The following SCRIB variants were observed in gnomAD, a reference collection of about 807,000 sequenced individuals.
SCRIB encodes protein scribble homolog.
A neutral mutation model predicts 170.0 loss-of-function variants in SCRIB; 72 were observed. The ratio of observed to expected loss-of-function variants is 0.42; its 90% confidence interval spans 0.35 to 0.52. SCRIB has a LOEUF of 0.52. Among genes scored for constraint, SCRIB ranks in the 20% least tolerant of loss-of-function variants. The probability of loss-of-function intolerance (pLI) is 0.02; values close to 1 mark genes in which losing one functional copy is unlikely to be tolerated. For synonymous variants in SCRIB, 1,298 were observed against 1,044.3 expected (o/e 1.24, Z -4.68); for missense variants, 2,475 against 2,338.5 (o/e 1.06, Z -1.20).
chr8:143,799,131 G>A (rs1815069603), intron 24 of SCRIB, among the ~76,000 whole-genome samples: 1 of 152,194 alleles, frequency 6.6e-6, no homozygotes, highest in Non-Finnish European at 1.5e-5. Flanking sequence ...ACAAATGGAA[G>A]AACCAAGCAT....
At position 143,791,727 on chromosome 8, in the gene SCRIB, T is replaced by A. The variant is rs1028793323; in HGVS notation, c.4709A>T (p.Lys1570Met). 3.7e-6 allele frequency: 6 copies of A among 1,600,674 alleles called. No individual in the cohort carries two copies. The highest frequency in any genetic ancestry group is 3.4e-6 in the Non-Finnish European group (4 of 1,169,998). ...TSPGRLPLSG[K>M]KFDYRAFAAL... Reference sequence around the variant, plus strand: ...CGCAAAGGCCCTGTAGTCAAACTTCTTTCCAGACAAGGGCTTGAAAGGACA... The same window carrying A: ...CGCAAAGGCCCTGTAGTCAAACTTCATTCCAGACAAGGGCTTGAAAGGACA... Residue 1570 changes from lysine to methionine, a missense_variant, in exon 35 of 37, where the codon AAG (lysine) becomes ATG (methionine). Physicochemically the swap from Lys to Met is moderately conservative, Grantham distance 95. Coordinates refer to ENST00000356994, the MANE Select transcript of SCRIB (RefSeq NM_182706.5).
At position 143,805,183 on chromosome 8, in the gene SCRIB, G is replaced by A. The variant is rs782508941; in HGVS notation, c.2599C>T (p.Arg867Cys). 46 of 1,576,264 alleles carry A rather than the reference G, an allele frequency of 2.9e-5. No individual in the cohort carries two copies. The highest frequency in any genetic ancestry group is 2.8e-4 in the South Asian group (24 of 85,734). ...LRQRHVACLA[R>C]SERGLGFSIA... ...CTGAAGCCCAGCCCCCTCTCGCTGC[G>A]TGCCAGGCAGGCCACGTGGCGCTGA... The change falls in exon 19 of 37, where the codon CGC (arginine) becomes TGC (cysteine). Residue 867 changes from arginine (R) to cysteine (C), a missense_variant. Around this residue, in one of 3 missense-constraint regions of SCRIB, gnomAD observed 1,966 missense variants for 1,742.9 expected, o/e 1.13. Transcript: ENST00000356994.
rs781850994 is a variant in SCRIB, at chr8:143,792,600, G to C, written c.4213C>G (p.Arg1405Gly). Residue 1405 changes from arginine to glycine, a missense_variant, in exon 31 of 37, where the codon CGG becomes GGG. Arg to Gly is a moderately radical substitution (Grantham distance 125). Coordinates refer to ENST00000356994, the MANE Select transcript of SCRIB (RefSeq NM_182706.5). ...KLQQKRAQML[R>G]EAAEAGAEAR... ...TCGGCCCCAGCCTCTGCCGCCTCCC[G>C]CAGCATCTGCGCTCTCTTCTGCTGT... The C allele has an allele frequency of 6.3e-7, 1 of 1,590,886 alleles. No individual in the cohort carries two copies. Among genetic ancestry groups the C allele is most frequent in the Admixed American group, 1.7e-5 (1 of 58,592 alleles).
rs1281821718 is a variant in SCRIB, at chr8:143,805,190, G to A, written c.2592C>T (p.Cys864=). 2 of 1,575,840 alleles carry A rather than the reference G, an allele frequency of 1.3e-6. No individual in the cohort carries two copies. Among genetic ancestry groups the A allele is most frequent in the African/African-American group, 2.7e-5 (2 of 74,020 alleles). The change falls in exon 19 of 37, where the codon TGC becomes TGT. Residue 864 remains cysteine (C), a synonymous_variant. Coordinates refer to ENST00000356994, the MANE Select transcript of SCRIB (RefSeq NM_182706.5). ...PGPLRQRHVA[C]LARSERGLGF... The stretch of plus-strand genomic sequence containing the variant: ...CCAGCCCCCTCTCGCTGCGTGCCAG[G>A]CAGGCCACGTGGCGCTGACGGAGGG...
chr8:143,799,513 C>T (rs1238970538), intron 24 of SCRIB, among the ~76,000 whole-genome samples: 2 of 152,144 alleles, frequency 1.3e-5, no homozygotes, highest in Non-Finnish European at 2.9e-5. Flanking sequence ...CTTGCGTCCT[C>T]ATGCCAAACA....
chr8:143,797,875 G>A lies in SCRIB; in HGVS notation c.3604-2345C>T, dbSNP rs533178034. ...AGCACGTCCCCGGCGCAGTGGGTGA[G>A]CCATGAATAGGGCTGAGTGTCAGAG... On this transcript the variant is annotated intron_variant, in intron 24 of 36. Coordinates refer to ENST00000356994, the MANE Select transcript of SCRIB (RefSeq NM_182706.5). Among the ~76,000 whole-genome samples, 4 of 152,392 alleles carry A rather than the reference G, an allele frequency of 2.6e-5. No homozygotes were observed. The South Asian group carries it at 8.3e-4, about 32-fold the overall frequency.
chr8:143,812,013 T>C (rs531952849), intron 9 of SCRIB, among the ~76,000 whole-genome samples: 7 of 152,232 alleles, frequency 4.6e-5, no homozygotes, highest in African/African-American at 1.2e-4. Flanking sequence ...CGCTCCCCAG[T>C]GTTACAACAT....
At position 143,808,598 on chromosome 8, in the gene SCRIB, C is replaced by A. The variant is rs867588431; in HGVS notation, c.2115+11G>T. ...GAATCTGGGTCAGGCAGGGGTGAGG[C>A]TGACACCAACCTTGACAGAGGGCGC... On this transcript the variant is annotated intron_variant, in intron 15 of 36. Coordinates refer to ENST00000356994, the MANE Select transcript of SCRIB (RefSeq NM_182706.5). 1.3e-6 allele frequency: 2 copies of A among 1,505,814 alleles called. No individual in the cohort carries two copies. The highest frequency in any genetic ancestry group is 2.7e-5 in the South Asian group (2 of 73,076). The allele number at this position is 1,505,814 out of a possible 1,614,324, so 93.3% of individuals were successfully genotyped here. A position where few individuals can be genotyped will look rare whatever the true frequency, so the allele number is the denominator to read the frequency against.
intron 8 of SCRIB, 138 bp downstream of exon 8, chr8:143,812,679 C>T (rs1015562012): frequency 1.9e-4 from 231 of 1,210,466 alleles, no homozygotes; most frequent in Non-Finnish European, 2.5e-4. Flanking sequence ...CACCTCCCCT[C>T]CCCAGGGACA....
chr8:143,813,183 C>A, intron 6 of SCRIB, 79 bp from the exon 7 acceptor site: 5 of 1,586,892 alleles, frequency 3.2e-6, no homozygotes, highest in Non-Finnish European at 4.3e-6. Context: ...TATACGCCCC[C>A]ACACCCAGCT....
At chr8:143,806,827 GT>G in intron 17 of SCRIB, 96 bp downstream of exon 17, 1 of 899,648 alleles carries the variant, frequency 1.1e-6, no homozygotes, top group East Asian at 2.7e-5. Flanking sequence ...CCCAGAGCGT[GT>G]GAGTGTTCTC....
chr8:143,809,086 C>G (rs1164174822), intron 14 of SCRIB, 61 bp from the exon 15 acceptor site: 1 of 1,541,294 alleles, frequency 6.5e-7, no homozygotes, highest in Admixed American at 1.9e-5. Flanking sequence ...ACAGGAAGAC[C>G]CTACTAAACA....
chr8:143,811,998 G>A (rs372078111), intron 9 of SCRIB, among the ~76,000 whole-genome samples: 38 of 152,246 alleles, frequency 2.5e-4, no homozygotes, highest in African/African-American at 8.4e-4. Flanking sequence ...TGCCTCTTCT[G>A]TAACCGCTCC....
At position 143,811,253 on chromosome 8, in the gene SCRIB, G is replaced by A. The variant is rs1815703250; in HGVS notation, c.999C>T (p.Gly333=). Residue 333 remains glycine, a synonymous_variant, in exon 10 of 37, where the codon GGC becomes GGT. Coordinates refer to ENST00000356994, the MANE Select transcript of SCRIB (RefSeq NM_182706.5). ...HLEALPPEIG[G]CVALSVLSLR... The stretch of plus-strand genomic sequence containing the variant: ...AGGAGAGGACGCTGAGTGCCACACA[G>A]CCCCCGATCTCGGGCGGCAGCGCCT... 1.2e-6 allele frequency: 2 copies of A among 1,611,616 alleles called. No homozygotes were observed. The highest frequency in any genetic ancestry group is 2.2e-5 in the South Asian group (2 of 90,788).
At position 143,792,389 on chromosome 8, in the gene SCRIB, G is replaced by A; in HGVS notation, c.4345C>T (p.Pro1449Ser). The A allele has an allele frequency of 2.0e-6, 3 of 1,506,632 alleles. No individual in the cohort carries two copies. The highest frequency in any genetic ancestry group is 2.6e-6 in the Non-Finnish European group (3 of 1,132,154). The allele number at this position is 1,506,632 out of a possible 1,614,324, so 93.3% of individuals were successfully genotyped here. The change falls in exon 32 of 37, where the codon CCC (proline) becomes TCC (serine). Residue 1449 changes from proline (P) to serine (S), a missense_variant. Transcript: ENST00000356994. ...SPTSRQSPAS[P>S]PPLGGGAPVR... ...GGGGCGCCACCTCCCAGGGGTGGGG[G>A]GGACGCCGGGCTCTGCCTGGGGAAG...
chr8:143,798,229 T>C (rs745455695), intron 24 of SCRIB, among the ~76,000 whole-genome samples: 10 of 152,170 alleles, frequency 6.6e-5, no homozygotes, highest in Admixed American at 2.0e-4. Flanking sequence ...GCACTTCAGC[T>C]TGGGAAACAG....
intron 16 of SCRIB, 39 bp from the exon 17 acceptor site, chr8:143,807,052 G>T: frequency 6.9e-7 from 1 of 1,458,080 alleles, no homozygotes; most frequent in Non-Finnish European, 9.5e-7. Flanking sequence ...AAGGGCCGCA[G>T]TGGGGCTGCC....
Position 143,805,217 on chromosome 8 carries a change from C to A in SCRIB, c.2565G>T (p.Gly855=), listed in dbSNP as rs1815367135. The A allele has an allele frequency of 3.2e-6, 5 of 1,560,476 alleles. No individual in the cohort carries two copies. In the South Asian group the frequency reaches 4.7e-5, roughly 15 times the overall value. The change falls in exon 19 of 37, where the codon GGG becomes GGT. Residue 855 remains glycine (G), a synonymous_variant. Coordinates refer to ENST00000356994, the MANE Select transcript of SCRIB (RefSeq NM_182706.5). ...AGGCCACGTGGCGCTGACGGAGGGG[C>A]CCGGGGCTCTCAGGCGGGAGCAGGG... ...RLPLLPPESP[G]PLRQRHVACL... is the part of the protein sequence containing the mutation.
chr8:143,812,254 G>A lies in SCRIB; in HGVS notation c.906+12C>T, dbSNP rs375535844. On this transcript the variant is annotated intron_variant, in intron 9 of 36. Transcript: ENST00000356994. ...CGGCCCCATCCTTTCTGCCTCCCAAGCCAGACCCTACCATCAGCAGGTTCT... is the reference window on the plus strand; with the variant it reads ...CGGCCCCATCCTTTCTGCCTCCCAAACCAGACCCTACCATCAGCAGGTTCT... 6.4e-6 allele frequency: 10 copies of A among 1,563,596 alleles called. No homozygotes were observed. Among genetic ancestry groups the A allele is most frequent in the East Asian group, 2.2e-5 (1 of 44,648 alleles).
Sources: gnomAD v4.1 joint callset for allele counts (sites outside exome capture counted in the v4.1 genomes callset) on GRCh38, gnomAD v4.1.1 for gene constraint, gnomAD v4.1.1 regional missense constraint, MANE v1.5 for transcripts, NCBI Gene and HGNC (gene_info 2026-07-23, HGNC 2026-07-21) for gene names.